The following CFAP57 variants were observed in gnomAD, a reference collection of about 807,000 sequenced individuals.
CFAP57 encodes cilia- and flagella-associated protein 57.
A neutral mutation model predicts 146.8 loss-of-function variants in CFAP57; 116 were observed. The ratio of observed to expected loss-of-function variants is 0.79; its 90% CI spans 0.68 to 0.92. The LOEUF is 0.92. Ranked by LOEUF, CFAP57 falls within the 40% of genes least tolerant of loss-of-function variation. The pLI is 0.00. For missense variants in CFAP57, 1,377 were observed against 1,527.2 expected (o/e 0.90, Z 1.64); for synonymous variants, 518 against 552.8 (o/e 0.94, Z 0.88).
intron 22 of CFAP57, among the ~76,000 whole-genome samples, 181 bp downstream of exon 22, chr1:43,243,540 A>T (rs1646005621): frequency 6.6e-6 from 1 of 152,148 alleles, no homozygotes; most frequent in Non-Finnish European, 1.5e-5. Context: ...CCACACTCCG[A>T]CACACACAGG....
At chr1:43,214,307 C>G (rs1411654517) in intron 11 of CFAP57, among the ~76,000 whole-genome samples, 2 of 152,200 alleles carry the variant, frequency 1.3e-5, no homozygotes, top group Non-Finnish European at 2.9e-5. Flanking sequence ...AATATTTTCT[C>G]CCATTCGACA....
chr1:43,194,211 C>T (rs749293063), intron 6 of CFAP57, among the ~76,000 whole-genome samples: 6 of 151,852 alleles, frequency 4.0e-5, no homozygotes, highest in Non-Finnish European at 8.8e-5. Flanking sequence ...TAAAAGATAG[C>T]TTTGCAGGAT....
At position 43,206,929 on chromosome 1, in the gene CFAP57, C is replaced by A. The variant is rs1644382540; in HGVS notation, c.1752C>A (p.Ser584=). 1 of 1,612,160 alleles carries A rather than the reference C, an allele frequency of 6.2e-7. No homozygotes were observed. Among genetic ancestry groups the A allele is most frequent in the South Asian group, 1.1e-5 (1 of 91,002 alleles). ...ACACCCTCAAGGAGATTGCAGATTC[C>A]TTGGTGAGTCTGCCCCTGCCCCGCC... ...SDHTLKEIAD[S]LILREISAFD... Residue 584 remains serine, a synonymous_variant, in exon 10 of 23, where the codon TCC becomes TCA. Coordinates refer to ENST00000372492, the MANE Select transcript of CFAP57 (RefSeq NM_001378189.1).
intron 21 of CFAP57, among the ~76,000 whole-genome samples, chr1:43,236,725 C>T (rs965097628): frequency 6.6e-6 from 1 of 150,538 alleles, no homozygotes; most frequent in Admixed American, 6.6e-5. Flanking sequence ...CTGGCTAACA[C>T]GGTGAAACCC....
intron 21 of CFAP57, among the ~76,000 whole-genome samples, chr1:43,239,378 G>T (rs940935093): frequency 6.6e-6 from 1 of 151,934 alleles, no homozygotes; most frequent in African/African-American, 2.4e-5. Context: ...TGGCAGGGGG[G>T]TCAGGAACAG....
intron 3 of CFAP57, among the ~76,000 whole-genome samples, chr1:43,182,283 A>C (rs1263478109): frequency 1.3e-5 from 2 of 152,176 alleles, no homozygotes; most frequent in East Asian, 3.8e-4. Flanking sequence ...GCTGTTGCTG[A>C]AGTTGCAGTT....
intron 9 of CFAP57, among the ~76,000 whole-genome samples, chr1:43,202,746 G>C (rs7547955): frequency 0.014 from 2,095 of 150,778 alleles, 49 homozygotes; most frequent in African/African-American, 0.049. Flanking sequence ...TTATGCCACT[G>C]CACTCTACCT....
At chr1:43,220,108 T>C (rs1265150192) in intron 13 of CFAP57, among the ~76,000 whole-genome samples, 1 of 152,184 alleles carries the variant, frequency 6.6e-6, no homozygotes, top group Non-Finnish European at 1.5e-5. Context: ...AAAATACATA[T>C]AGAAAATAGA....
intron 17 of CFAP57, 46 bp downstream of exon 17, chr1:43,224,250 A>C (rs1421259152): frequency 6.8e-7 from 1 of 1,471,736 alleles, no homozygotes; most frequent in South Asian, 1.4e-5. Flanking sequence ...CAGATGGGCC[A>C]AGGCGAGGAA....
intron 11 of CFAP57, among the ~76,000 whole-genome samples, chr1:43,213,491 G>T (rs1644707438): frequency 1.7e-5 from 2 of 115,576 alleles, no homozygotes; most frequent in African/African-American, 3.2e-5. Context: ...ACTATTGGTG[G>T]TACAATAAAT....
chr1:43,199,433 G>T lies in CFAP57; in HGVS notation c.1472G>T (p.Gly491Val). Residue 491 changes from glycine to valine, a missense_variant, in exon 9 of 23, where the codon GGA (glycine) becomes GTA (valine). Physicochemically the swap from Gly to Val is moderately radical, Grantham distance 109. Transcript: ENST00000372492. ...NGGHLFAAVN[G>V]NVIHVYTTTS... ...GGTCACCTGTTTGCTGCAGTCAATGGAAATGTGATTCACGTTTACACCACC... is the reference window on the plus strand; with the variant it reads ...GGTCACCTGTTTGCTGCAGTCAATGTAAATGTGATTCACGTTTACACCACC... 3.7e-6 allele frequency: 6 copies of T among 1,614,142 alleles called. No individual in the cohort carries two copies. The highest frequency in any genetic ancestry group is 5.1e-6 in the Non-Finnish European group (6 of 1,180,032).
chr1:43,245,086 G>T (rs1646064955), intron 22 of CFAP57, among the ~76,000 whole-genome samples: 1 of 152,138 alleles, frequency 6.6e-6, no homozygotes, highest in Non-Finnish European at 1.5e-5. Context: ...AAGGCGAGCG[G>T]AACGCTTGTG....
intron 21 of CFAP57, among the ~76,000 whole-genome samples, chr1:43,236,368 A>T (rs1022925401): frequency 1.3e-5 from 2 of 151,754 alleles, no homozygotes; most frequent in Non-Finnish European, 2.9e-5. Flanking sequence ...TGGAAGATTT[A>T]AAAAAAAGAA....
intron 22 of CFAP57, among the ~76,000 whole-genome samples, chr1:43,253,684 G>A (rs1235442244): frequency 2.0e-5 from 3 of 152,096 alleles, no homozygotes; most frequent in African/African-American, 4.8e-5. Context: ...ATGGGAGAAG[G>A]GGCAGCCTCC....
intron 6 of CFAP57, chr1:43,194,885 T>A (rs538906791): frequency 1.3e-5 from 2 of 152,226 alleles, no homozygotes; most frequent in Non-Finnish European, 2.9e-5. Context: ...TTCCTTTAGT[T>A]TTTTGGACAC....
chr1:43,174,428 T>C (rs1645092504), intron 2 of CFAP57, among the ~76,000 whole-genome samples: 1 of 152,260 alleles, frequency 6.6e-6, no homozygotes, highest in South Asian at 2.1e-4. Flanking sequence ...CTACATAGAC[T>C]ATCATGTTAT....
In CFAP57 at chr1:43,172,733, A is replaced by C; in HGVS notation, c.-19-2A>C. The C allele has an allele frequency of 6.2e-7, 1 of 1,613,858 alleles. No individual in the cohort carries two copies. The highest frequency in any genetic ancestry group is 8.5e-7 in the Non-Finnish European group (1 of 1,180,006). ...CTGAAGCGCTGCCTTGGTCTTCAGCAGAACTGTTTGGCGGGAGATCATGTC... is the reference window on the plus strand; with the variant it reads ...CTGAAGCGCTGCCTTGGTCTTCAGCCGAACTGTTTGGCGGGAGATCATGTC... On this transcript the variant is annotated splice_acceptor_variant, in intron 1 of 22. Coordinates refer to ENST00000372492, the MANE Select transcript of CFAP57 (RefSeq NM_001378189.1). LOFTEE classifies it low-confidence loss of function (5UTR_SPLICE).
chr1:43,215,360 AG>A lies in CFAP57; in HGVS notation c.2038del (p.Glu680ArgfsTer10). 3 of 1,551,130 alleles carry A rather than the reference AG, an allele frequency of 1.9e-6. No individual in the cohort carries two copies. The highest frequency in any genetic ancestry group is 1.4e-5 in the African/African-American group (1 of 73,158). ...GGATGGCCGGGGAATCAAGCGAGAG[AG>A]GGAGGTGGGCTTTGCCGAAGAGGTG... ...DKDGRGIKRE[R>X]EVGFAEEVLV... On this transcript the variant is annotated frameshift_variant, in exon 12 of 23. Transcript: ENST00000372492. LOFTEE classifies it high-confidence loss of function.
At chr1:43,223,071 C>T (rs181255459) in intron 16 of CFAP57, 74 bp downstream of exon 16, 44 of 1,467,708 alleles carry the variant, frequency 3.0e-5, no homozygotes, top group East Asian at 1.5e-4. Flanking sequence ...GTGGACTGAC[C>T]GGCCTGGGGG....
Sources: gnomAD v4.1 joint callset for allele counts (sites outside exome capture counted in the v4.1 genomes callset) on GRCh38, gnomAD v4.1.1 for gene constraint, MANE v1.5 for transcripts, NCBI Gene and HGNC (gene_info 2026-07-23, HGNC 2026-07-21) for gene names.